The following GRIN2A variants were observed in gnomAD, a reference collection of about 807,000 sequenced individuals.
GRIN2A encodes glutamate receptor ionotropic, NMDA 2A.
Under a neutral mutation model 113.4 loss-of-function variants are expected in GRIN2A, and 22 were observed. The ratio of observed to expected loss-of-function variants is 0.19; its 90% CI spans 0.14 to 0.28. The LOEUF (loss-of-function observed/expected upper bound fraction) is 0.28, where lower values mean the gene tolerates loss of function less well. Ranked by LOEUF, GRIN2A falls within the 10% of genes least tolerant of loss-of-function variation. The pLI is 1.00. For synonymous variants in GRIN2A, 827 were observed against 738.4 expected, an observed-to-expected ratio of 1.12 and a Z score of -1.94; for missense variants, 1,502 against 1,887.0, an observed-to-expected ratio of 0.80 and a Z score of 3.78.
intron 2 of GRIN2A, among the ~76,000 whole-genome samples, chr16:10,173,165 T>C (rs1311276560): frequency 6.6e-6 from 1 of 152,174 alleles, no homozygotes; most frequent in African/African-American, 2.4e-5. Flanking sequence ...ACATGCCTCA[T>C]GGAAAAGACT....
At chr16:10,144,999 TAA>T (rs1230248888) in intron 2 of GRIN2A, among the ~76,000 whole-genome samples, 1 of 123,424 alleles carries the variant, frequency 8.1e-6, no homozygotes. Flanking sequence ...TTGTTCAACC[TAA>T]AAAAAAAAAG....
chr16:9,935,569 C>T (rs1009993628), intron 3 of GRIN2A, among the ~76,000 whole-genome samples: 2 of 150,166 alleles, frequency 1.3e-5, no homozygotes, highest in African/African-American at 4.9e-5. Flanking sequence ...CTCCTCCAGC[C>T]CCAGTTCAGA....
chr16:10,153,382 G>A (rs2049624357), intron 2 of GRIN2A, among the ~76,000 whole-genome samples: 1 of 152,122 alleles, frequency 6.6e-6, no homozygotes, highest in African/African-American at 2.4e-5. Flanking sequence ...AGGTGCTGGG[G>A]GGACTCTACG....
At chr16:9,844,402 A>C (rs1365240445) in intron 5 of GRIN2A, among the ~76,000 whole-genome samples, 3 of 152,222 alleles carry the variant, frequency 2.0e-5, no homozygotes, top group Non-Finnish European at 4.4e-5. Flanking sequence ...AATTTATCAC[A>C]GTAATTATGG....
rs1319605186 is a variant in GRIN2A, at chr16:9,938,411, G to A, written c.555C>T (p.Ser185=). 1 of 1,614,074 alleles carries A rather than the reference G, an allele frequency of 6.2e-7. No homozygotes were observed. The highest frequency in any genetic ancestry group is 8.5e-7 in the Non-Finnish European group (1 of 1,179,940). ...TIFPGYREFI[S]FVKTTVDNSF... is the part of the protein sequence containing the mutation. ...TGTTGTCCACTGTGGTCTTGACGAA[G>A]CTGATGAATTCCCTGTAGCCAGGGA... Residue 185 remains serine, a synonymous_variant, in exon 3 of 13, where the codon AGC becomes AGT. Transcript: ENST00000330684.
chr16:9,988,178 A>G (rs2046016396), intron 2 of GRIN2A, among the ~76,000 whole-genome samples: 1 of 152,090 alleles, frequency 6.6e-6, no homozygotes, highest in Admixed American at 6.6e-5. Flanking sequence ...AGTTGATGTC[A>G]GGGGCAGGAA....
chr16:10,054,048 T>G (rs114447728), intron 2 of GRIN2A, among the ~76,000 whole-genome samples: 2,480 of 152,140 alleles, frequency 0.016, 37 homozygotes, highest in South Asian at 0.065. Context: ...TATATTTGAA[T>G]ATGGAGTGAC....
At chr16:10,148,430 T>C (rs547314432) in intron 2 of GRIN2A, among the ~76,000 whole-genome samples, 2 of 152,228 alleles carry the variant, frequency 1.3e-5, no homozygotes, top group East Asian at 3.9e-4. Flanking sequence ...TATAAAAGAG[T>C]GGAGCATTCT....
At chr16:10,128,969 C>T (rs1314318536) in intron 2 of GRIN2A, among the ~76,000 whole-genome samples, 3 of 152,216 alleles carry the variant, frequency 2.0e-5, no homozygotes, top group African/African-American at 7.2e-5. Flanking sequence ...TCTGTGCATA[C>T]CTGAGCACGC....
intron 2 of GRIN2A, chr16:10,033,957 G>C (rs538136823): frequency 6.6e-6 from 1 of 152,268 alleles, no homozygotes; most frequent in South Asian, 2.1e-4. Context: ...ATTGAGCAAA[G>C]AGGAGACAGA....
At chr16:10,114,195 G>C (rs1302152907) in intron 2 of GRIN2A, among the ~76,000 whole-genome samples, 3 of 151,922 alleles carry the variant, frequency 2.0e-5, no homozygotes, top group Non-Finnish European at 4.4e-5. Context: ...TGCCTCTAAA[G>C]ACACAAAAAT....
chr16:9,909,817 T>C (rs546718405), intron 3 of GRIN2A, among the ~76,000 whole-genome samples: 7 of 152,244 alleles, frequency 4.6e-5, no homozygotes, highest in Admixed American at 1.3e-4. Flanking sequence ...ATATATATCG[T>C]TGCTTAAGAA....
At chr16:9,932,713 T>C (rs2044624041) in intron 3 of GRIN2A, among the ~76,000 whole-genome samples, 1 of 152,154 alleles carries the variant, frequency 6.6e-6, no homozygotes, top group South Asian at 2.1e-4. Context: ...GTTTCATCCA[T>C]AGTAGTAACC....
At chr16:9,920,549 G>T (rs1191387165) in intron 3 of GRIN2A, among the ~76,000 whole-genome samples, 1 of 150,676 alleles carries the variant, frequency 6.6e-6, no homozygotes, top group East Asian at 1.9e-4. Flanking sequence ...TGGCCTCCCT[G>T]CATATATGTG....
At chr16:9,907,970 C>G (rs1423718248) in intron 3 of GRIN2A, among the ~76,000 whole-genome samples, 1 of 152,190 alleles carries the variant, frequency 6.6e-6, no homozygotes, top group South Asian at 2.1e-4. Flanking sequence ...CGGTCAGTGA[C>G]CATTTGCTGA....
chr16:10,016,983 G>A (rs954784908), intron 2 of GRIN2A, among the ~76,000 whole-genome samples: 12 of 152,254 alleles, frequency 7.9e-5, no homozygotes, highest in Non-Finnish European at 1.8e-4. Flanking sequence ...AATGGGCCAT[G>A]ATGGATGAAC....
chr16:10,031,082 C>A (rs936771129), intron 2 of GRIN2A, among the ~76,000 whole-genome samples: 4 of 152,172 alleles, frequency 2.6e-5, no homozygotes, highest in Non-Finnish European at 5.9e-5. Context: ...AGAGAAGAAG[C>A]CTACGCTGGA....
At chr16:10,006,247 A>AC (rs370614068) in intron 2 of GRIN2A, among the ~76,000 whole-genome samples, 13 of 152,288 alleles carry the variant, frequency 8.5e-5, no homozygotes, top group African/African-American at 3.1e-4. Flanking sequence ...AGGTGCATGC[A>AC]CCCAGATTTT....
At position 10,119,531 on chromosome 16, in the gene GRIN2A, G is replaced by A. The variant is rs969030267; in HGVS notation, c.414+60467C>T. Among the ~76,000 whole-genome samples the A allele has an allele frequency of 7.9e-5, 12 of 152,254 alleles. 1 individual carries two copies. The East Asian group carries it at 1.5e-3, about 20-fold the overall frequency. On this transcript the variant is annotated intron_variant, in intron 2 of 12. Transcript: ENST00000330684. ...CTTCATTCAAGAAAGGAAGGAAGGC[G>A]GCTTTTTGTCTAGCCCCGTGGTTCT...
Sources: gnomAD v4.1 joint callset for allele counts (sites outside exome capture counted in the v4.1 genomes callset) on GRCh38, gnomAD v4.1.1 for gene constraint, MANE v1.5 for transcripts, NCBI Gene and HGNC (gene_info 2026-07-23, HGNC 2026-07-21) for gene names.